SVEP1: variants seen among roughly 807,000 people sequenced by gnomAD.
SVEP1 encodes sushi, von Willebrand factor type A, EGF and pentraxin domain containing 1, also known as sushi, von Willebrand factor type A, EGF and pentraxin domain-containing protein 1.
A neutral mutation model predicts 367.3 loss-of-function variants in SVEP1; 164 were observed. The ratio of observed to expected loss-of-function variants is 0.45; its 90% CI spans 0.39 to 0.51. The LOEUF is 0.51. Ranked by LOEUF, SVEP1 falls within the 20% of genes least tolerant of loss-of-function variation. SVEP1 has a pLI of 0.00. For synonymous variants in SVEP1, 1,666 were observed against 1,611.6 expected (o/e 1.03, Z -0.81); for missense variants, 4,117 against 4,425.3 (o/e 0.93, Z 1.98).
intron 27 of SVEP1, among the ~76,000 whole-genome samples, 177 bp from the exon 28 acceptor site, chr9:110,436,681 T>C (rs570650917): frequency 1.3e-5 from 2 of 152,370 alleles, no homozygotes; most frequent in East Asian, 3.9e-4. Flanking sequence ...CAATGTTTTA[T>C]ATAGCAACTT....
intron 26 of SVEP1, among the ~76,000 whole-genome samples, chr9:110,444,613 G>A (rs1360706390): frequency 6.6e-6 from 1 of 152,142 alleles, no homozygotes; most frequent in African/African-American, 2.4e-5. Flanking sequence ...AAATGACAAA[G>A]CTAATAAGCA....
intron 18 of SVEP1, among the ~76,000 whole-genome samples, chr9:110,460,271 ATAAC>A (rs1366167631): frequency 6.6e-6 from 1 of 152,212 alleles, no homozygotes; most frequent in African/African-American, 2.4e-5. Context: ...TTTACGTTGC[ATAAC>A]TAATTGCTAC....
At chr9:110,508,618 G>A (rs1057098220) in intron 5 of SVEP1, among the ~76,000 whole-genome samples, 25 of 151,762 alleles carry the variant, frequency 1.6e-4, no homozygotes, top group African/African-American at 4.8e-4. Context: ...AAAATTAGCC[G>A]GGCATGGTGG....
intron 3 of SVEP1, among the ~76,000 whole-genome samples, chr9:110,523,642 A>G (rs1187692080): frequency 6.6e-6 from 1 of 152,188 alleles, no homozygotes; most frequent in African/African-American, 2.4e-5. Flanking sequence ...GTAAAATTAT[A>G]GAAAAAGATA....
intron 8 of SVEP1, among the ~76,000 whole-genome samples, chr9:110,490,387 A>T (rs966692213): frequency 4.6e-5 from 7 of 152,120 alleles, no homozygotes; most frequent in Non-Finnish European, 8.8e-5. Context: ...GATTATCGTA[A>T]ACTATGGTCA....
chr9:110,519,834 C>T (rs1829855334), intron 3 of SVEP1, among the ~76,000 whole-genome samples: 1 of 152,110 alleles, frequency 6.6e-6, no homozygotes, highest in Non-Finnish European at 1.5e-5. Flanking sequence ...TTGGCTCTTC[C>T]ACTAACAAGC....
rs775381074 is a variant in SVEP1 at position 110,411,341 on chromosome 9, T to C, written c.6370A>G (p.Ile2124Val). The C allele has an allele frequency of 1.9e-5, 30 of 1,613,930 alleles. No individual in the cohort carries two copies. The South Asian group carries it at 3.3e-4, about 18-fold the overall frequency. Residue 2124 changes from isoleucine to valine, a missense_variant, in exon 37 of 48, where the codon ATT becomes GTT. Physicochemically the swap from Ile to Val is conservative, Grantham distance 29. This residue lies in a region of SVEP1 where 1,765 missense variants were observed against 1,781.1 expected (regional missense o/e 0.99). Coordinates refer to ENST00000374469, the MANE Select transcript of SVEP1 (RefSeq NM_153366.4). ...CACTGCCCACCTCTCATACATTCAA[T>C]CTTTGCTGAGGTGTTCAGTACAAAG... ...EGFVLNTSAKIECMRGGQWNP... is the reference protein window; with the variant it reads ...EGFVLNTSAKVECMRGGQWNP...
At chr9:110,404,275 G>C in intron 39 of SVEP1, 52 bp downstream of exon 39, 2 of 1,541,428 alleles carry the variant, frequency 1.3e-6, no homozygotes, top group Admixed American at 3.4e-5. Context: ...TGCTTGCTTG[G>C]CAATATATGT....
At chr9:110,409,044 T>A in intron 37 of SVEP1, 93 bp from the exon 38 acceptor site, 1 of 1,349,020 alleles carries the variant, frequency 7.4e-7, no homozygotes, top group South Asian at 1.6e-5. Flanking sequence ...CTAAAAGGTC[T>A]ATGTTAAAAT....
At chr9:110,539,824 CTGTT>C (rs1179854339) in intron 3 of SVEP1, among the ~76,000 whole-genome samples, 2 of 151,852 alleles carry the variant, frequency 1.3e-5, no homozygotes, top group Non-Finnish European at 2.9e-5. Context: ...AATTGTGAGT[CTGTT>C]TGTTAAATTT....
chr9:110,535,790 C>T (rs1830071554), intron 3 of SVEP1, among the ~76,000 whole-genome samples: 2 of 151,856 alleles, frequency 1.3e-5, no homozygotes, highest in Non-Finnish European at 2.9e-5. Flanking sequence ...AAATTACATT[C>T]CTGGTTTTTT....
At chr9:110,463,700 A>G (rs142741525) in intron 18 of SVEP1, among the ~76,000 whole-genome samples, 103 of 152,110 alleles carry the variant, frequency 6.8e-4, no homozygotes, top group African/African-American at 2.2e-3. Flanking sequence ...TGAAAGAAAA[A>G]GAAAGGCAAA....
intron 40 of SVEP1, among the ~76,000 whole-genome samples, chr9:110,399,045 T>C (rs1404353904): frequency 2.6e-5 from 4 of 152,112 alleles, no homozygotes; most frequent in Non-Finnish European, 4.4e-5. Context: ...CACATGCACA[T>C]GTATGTTTAT....
chr9:110,413,779 A>T (rs1828079287), intron 36 of SVEP1, among the ~76,000 whole-genome samples: 1 of 152,020 alleles, frequency 6.6e-6, no homozygotes, highest in Admixed American at 6.5e-5. Context: ...GCTTATTTTC[A>T]TCACTGATCT....
chr9:110,367,860 C>A (rs1276674965), intron 47 of SVEP1, among the ~76,000 whole-genome samples: 1 of 152,150 alleles, frequency 6.6e-6, no homozygotes, highest in Non-Finnish European at 1.5e-5. Context: ...GCGGGCAGAT[C>A]ACTTGAGGTC....
chr9:110,479,977 C>A (rs1015141129), intron 12 of SVEP1, among the ~76,000 whole-genome samples: 9 of 152,096 alleles, frequency 5.9e-5, no homozygotes, highest in African/African-American at 2.2e-4. Flanking sequence ...GAAGAGTTTG[C>A]TTTTGATATA....
intron 9 of SVEP1, among the ~76,000 whole-genome samples, chr9:110,484,205 T>C (rs1490408507): frequency 6.6e-6 from 1 of 152,160 alleles, no homozygotes; most frequent in Non-Finnish European, 1.5e-5. Flanking sequence ...GAGTGGCCTA[T>C]TGCTGGGAGG....
rs111722103 is a variant in SVEP1, at chr9:110,408,043, G to T, written c.7557C>A (p.Thr2519=). ...AGCCTCGGTTGCAAGAGTAGGTAAC[G>T]GTCTGTCCATAGTGTAGGTCCGTGT... ...FSYTDLHYGQ[T]VTYSCNRGFR... The change falls in exon 38 of 48, where the codon ACC becomes ACA. Residue 2519 remains threonine (T), a synonymous_variant. Transcript: ENST00000374469. The T allele has an allele frequency of 2.5e-6, 4 of 1,613,912 alleles. No individual in the cohort carries two copies. The African/African-American group carries it at 4.0e-5, about 16-fold the overall frequency.
At chr9:110,410,068 G>C (rs1487694665) in intron 37 of SVEP1, among the ~76,000 whole-genome samples, 1 of 120,502 alleles carries the variant, frequency 8.3e-6, no homozygotes, top group Non-Finnish European at 1.6e-5. Flanking sequence ...ATTAATAAAT[G>C]AACACCTCTC....
Sources: gnomAD v4.1 joint callset for allele counts (sites outside exome capture counted in the v4.1 genomes callset) on GRCh38, gnomAD v4.1.1 for gene constraint, gnomAD v4.1.1 regional missense constraint, MANE v1.5 for transcripts, NCBI Gene and HGNC (gene_info 2026-07-23, HGNC 2026-07-21) for gene names.